The following ABCB4 variants were observed in gnomAD, a reference collection of about 807,000 sequenced individuals.
The protein encoded by ABCB4 is ATP binding cassette subfamily B member 4.
A neutral mutation model predicts 145.7 loss-of-function variants in ABCB4; 76 were observed. That is an observed-to-expected ratio of 0.52 (90% CI 0.43 to 0.63). The LOEUF is 0.63. ABCB4 is among the 30% of genes least tolerant of loss of function. ABCB4 has a pLI of 0.00. For synonymous variants in ABCB4, 517 were observed against 566.8 expected (o/e 0.91, Z 1.25); for missense variants, 1,234 against 1,553.1 (o/e 0.79, Z 3.45).
the ABCB4 span, among the ~76,000 whole-genome samples, chr7:87,371,585 T>A: frequency 2.6e-5 from 4 of 152,204 alleles, no homozygotes; most frequent in Non-Finnish European, 4.4e-5. Flanking sequence ...CATTTAAAAT[T>A]TTTGACTGAG....
chr7:87,381,727 T>G, the ABCB4 span, among the ~76,000 whole-genome samples: 1,527 of 152,258 alleles, frequency 0.01, 22 homozygotes, highest in Admixed American at 0.031. Flanking sequence ...TTCCAAAAAA[T>G]AAAATATAGC....
the ABCB4 span, among the ~76,000 whole-genome samples, chr7:87,395,324 C>CTCCCAGAT: frequency 1.3e-5 from 2 of 152,174 alleles, no homozygotes; most frequent in Non-Finnish European, 2.9e-5. Context: ...AGATGGTGCC[C>CTCCCAGAT]TCCCAGATTA....
At chr7:87,402,436 A>G (rs1029381434) in intron 27 of ABCB4, 134 bp from the exon 28 acceptor site, 24 of 1,110,676 alleles carry the variant, frequency 2.2e-5, no homozygotes, top group Middle Eastern at 2.5e-4. Context: ...AACTTTATGC[A>G]TGTGTATTTT....
the ABCB4 span, among the ~76,000 whole-genome samples, chr7:87,383,915 T>C: frequency 5.5e-3 from 841 of 152,272 alleles, 11 homozygotes; most frequent in Non-Finnish European, 3.6e-3. Context: ...ATTGATTTCC[T>C]TTCTCTTGGA....
intron 6 of ABCB4, chr7:87,452,677 C>G (rs1479200857): frequency 1.9e-6 from 1 of 514,598 alleles, no homozygotes; most frequent in African/African-American, 1.9e-5. Flanking sequence ...GCACCTGTCA[C>G]GTCCTGCAGT....
intron 9 of ABCB4, 73 bp from the exon 10 acceptor site, chr7:87,445,048 T>C (rs1811252491): frequency 2.1e-6 from 2 of 965,604 alleles, no homozygotes; most frequent in Admixed American, 1.9e-5. Context: ...GTGATGTATA[T>C]GTAACATAGT....
the ABCB4 span, among the ~76,000 whole-genome samples, chr7:87,395,117 G>C: frequency 2.0e-5 from 3 of 152,142 alleles, no homozygotes; most frequent in Non-Finnish European, 4.4e-5. Context: ...ACGATCACAA[G>C]GTCCCACAAT....
chr7:87,438,200 C>T (rs1200340269), intron 14 of ABCB4, among the ~76,000 whole-genome samples: 1 of 152,100 alleles, frequency 6.6e-6, no homozygotes, highest in Non-Finnish European at 1.5e-5. Flanking sequence ...CCCGACTTTA[C>T]TCTAAAAAGT....
the ABCB4 span, among the ~76,000 whole-genome samples, chr7:87,380,153 A>C: frequency 1.1e-5 from 1 of 88,122 alleles, no homozygotes; most frequent in Non-Finnish European, 2.7e-5. Context: ...GTACTGTAAA[A>C]TAAAGCTTAT....
chr7:87,440,330 G>T lies in ABCB4; in HGVS notation c.1429C>A (p.Gln477Lys). Residue 477 changes from glutamine (Q) to lysine (K), a missense_variant, in exon 13 of 28, where the codon CAG becomes AAG. Transcript: ENST00000649586. ...YLREIIGVVS[Q>K]EPVLFSTTIA... ...GTGGTGGAAAACAGCACCGGCTCCT[G>T]ACTCACCACACCAATGATTTCCCTC... 1 of 1,614,064 alleles carries T rather than the reference G, an allele frequency of 6.2e-7. No individual in the cohort carries two copies. The highest frequency in any genetic ancestry group is 8.5e-7 in the Non-Finnish European group (1 of 1,180,026).
At chr7:87,471,571 A>G (rs937732549) in intron 3 of ABCB4, among the ~76,000 whole-genome samples, 1 of 152,148 alleles carries the variant, frequency 6.6e-6, no homozygotes, top group Non-Finnish European at 1.5e-5. Context: ...AGTGTTTGAG[A>G]GTGTGGATGT....
At position 87,409,322 on chromosome 7, in the gene ABCB4, T is replaced by C; in HGVS notation, c.2995A>G (p.Lys999Glu). ...HASSFAPDYA[K>E]AKLSAAHLFM... The stretch of plus-strand genomic sequence containing the variant: ...AAGTGGGCTGCAGACAGCTTAGCTT[T>C]AGCATAGTCTGGAGCAAATGAACTG... The change falls in exon 24 of 28, where the codon AAA becomes GAA. Residue 999 changes from lysine (K) to glutamate (E), a missense_variant. Around this residue, in one of 7 missense-constraint regions of ABCB4, gnomAD observed 301 missense variants for 389.0 expected, o/e 0.77. Coordinates refer to ENST00000649586, the MANE Select transcript of ABCB4 (RefSeq NM_000443.4). 1 of 1,614,118 alleles carries C rather than the reference T, an allele frequency of 6.2e-7. No homozygotes were observed. The highest frequency in any genetic ancestry group is 8.5e-7 in the Non-Finnish European group (1 of 1,179,992).
chr7:87,423,844 G>C, intron 17 of ABCB4, 62 bp downstream of exon 17: 1 of 1,604,998 alleles, frequency 6.2e-7, no homozygotes, highest in Non-Finnish European at 8.5e-7. Flanking sequence ...AGTGAGGTTG[G>C]GAGAAGCAGC....
chr7:87,426,807 T>C lies in ABCB4; in HGVS notation c.2007A>G (p.Lys669=). Residue 669 remains lysine (K), a synonymous_variant, in exon 16 of 28, where the codon AAA becomes AAG. Transcript: ENST00000649586. ...GACACATTTGTGAATTTTTAAGGTT[T>C]TTCTGAGTAGAATGCCTAAATAGGC... is the stretch of plus-strand genomic sequence containing the variant. ...KSRLFRHSTQ[K]NLKNSQMCQK... is the part of the protein sequence containing the mutation. 1 of 1,614,102 alleles carries C rather than the reference T, an allele frequency of 6.2e-7. No homozygotes were observed.
intron 27 of ABCB4, 150 bp downstream of exon 27, chr7:87,402,985 G>T: frequency 1.2e-6 from 1 of 861,916 alleles, no homozygotes; most frequent in Non-Finnish European, 1.9e-6. Flanking sequence ...GCAACAACGA[G>T]ACCCCGTCTC....
rs1003394732 is a variant in ABCB4 at position 87,417,388 on chromosome 7, A to C, written c.2606T>G (p.Val869Gly). ...CAATTTCATTTCAACAATTCCTGAC[A>C]CAGCAATAATTGGAACAACTGCTAA... ...LLLAVVPIIA[V>G]SGIVEMKLLA... The change falls in exon 21 of 28, where the codon GTG (valine) becomes GGG (glycine). Residue 869 changes from valine to glycine, a missense_variant. Physicochemically the swap from Val to Gly is moderately radical, Grantham distance 109 (BLOSUM62 -3). This residue lies in a region of ABCB4 where 301 missense variants were observed against 389.0 expected (regional missense o/e 0.77). Transcript: ENST00000649586. 6.2e-7 allele frequency: 1 copy of C among 1,614,006 alleles called. No individual in the cohort carries two copies. The highest frequency in any genetic ancestry group is 1.3e-5 in the African/African-American group (1 of 74,924).
rs1206664277 is a variant in ABCB4 at position 87,407,778 on chromosome 7, AGACT to A, written c.3279+255_3279+258del. Among the ~76,000 whole-genome samples the A allele has an allele frequency of 3.9e-5, 6 of 152,344 alleles. No homozygotes were observed. In the East Asian group the frequency reaches 1.2e-3, roughly 29 times the overall value. On this transcript the variant is annotated intron_variant, in intron 25 of 27. Transcript: ENST00000649586. Reference sequence around the variant, plus strand: ...AAGTCAGTATTTGCTTAGAACAATCAGACTGACTGGAAAGGCCCATGACAGGGTA... The same window carrying A: ...AAGTCAGTATTTGCTTAGAACAATCAGACTGGAAAGGCCCATGACAGGGTA...
At chr7:87,453,684 G>C (rs1371765645) in intron 5 of ABCB4, among the ~76,000 whole-genome samples, 1 of 152,022 alleles carries the variant, frequency 6.6e-6, no homozygotes, top group Non-Finnish European at 1.5e-5. Context: ...ATAAATTTTT[G>C]TTGTTAACTG....
the ABCB4 span, among the ~76,000 whole-genome samples, chr7:87,391,046 C>T: frequency 5.9e-5 from 9 of 152,202 alleles, no homozygotes; most frequent in Admixed American, 1.3e-4. Context: ...AGGTCCACTT[C>T]TCAGCTCACC....
Sources: allele counts gnomAD v4.1 joint callset (sites outside exome capture counted in the v4.1 genomes callset), GRCh38; gene constraint gnomAD v4.1.1; regional missense constraint gnomAD v4.1.1; transcripts MANE v1.5; gene names NCBI Gene and HGNC (gene_info 2026-07-23, HGNC 2026-07-21).